The following FRMD4B variants were observed in gnomAD, a reference collection of about 807,000 sequenced individuals.
FRMD4B encodes the protein FERM domain containing 4B.
A neutral mutation model predicts 141.5 loss-of-function variants in FRMD4B; 74 were observed. That is an observed-to-expected ratio of 0.52 (90% CI 0.43 to 0.63). The LOEUF (loss-of-function observed/expected upper bound fraction) is 0.63, where lower values mean the gene tolerates loss of function less well. Ranked by LOEUF, FRMD4B falls within the 30% of genes least tolerant of loss-of-function variation. The pLI is 0.00. For missense variants in FRMD4B, 1,366 were observed against 1,253.4 expected (o/e 1.09, Z -1.36); for synonymous variants, 506 against 467.9 (o/e 1.08, Z -1.05).
chr3:69,501,228 CTT>C (rs534864440), intron 1 of FRMD4B, among the ~76,000 whole-genome samples: 100 of 117,256 alleles, frequency 8.5e-4, no homozygotes, highest in Admixed American at 1.1e-3. Flanking sequence ...CATGGACCTT[CTT>C]TTTTTTTTTT....
At chr3:69,284,362 G>A (rs1323817899) in intron 5 of FRMD4B, among the ~76,000 whole-genome samples, 5 of 152,178 alleles carry the variant, frequency 3.3e-5, no homozygotes, top group Admixed American at 3.3e-4. Context: ...TAAGAGGGAA[G>A]AGTGCCTCAT....
At chr3:69,204,550 T>C (rs771032545) in intron 11 of FRMD4B, among the ~76,000 whole-genome samples, 2 of 152,198 alleles carry the variant, frequency 1.3e-5, no homozygotes, top group Non-Finnish European at 2.9e-5. Flanking sequence ...ATATTATTGA[T>C]TTATTCTTTT....
intron 7 of FRMD4B, among the ~76,000 whole-genome samples, chr3:69,240,853 C>A (rs534626193): frequency 1.3e-5 from 2 of 152,178 alleles, no homozygotes; most frequent in Non-Finnish European, 2.9e-5. Flanking sequence ...TCAACAATGT[C>A]GTCTCACAGC....
chr3:69,213,019 T>C (rs2093101713), intron 11 of FRMD4B, among the ~76,000 whole-genome samples: 1 of 152,222 alleles, frequency 6.6e-6, no homozygotes, highest in East Asian at 1.9e-4. Context: ...CTCCTACAAA[T>C]GGAAACAAGT....
intron 17 of FRMD4B, among the ~76,000 whole-genome samples, chr3:69,191,143 G>C (rs926510768): frequency 6.6e-6 from 1 of 152,172 alleles, no homozygotes; most frequent in African/African-American, 2.4e-5. Flanking sequence ...ATGTGGCCAG[G>C]CACACTGCCT....
chr3:69,419,531 C>T (rs1422793003), intron 2 of FRMD4B, among the ~76,000 whole-genome samples: 1 of 152,072 alleles, frequency 6.6e-6, no homozygotes, highest in Non-Finnish European at 1.5e-5. Context: ...GGCTCACTGG[C>T]TAGACCTGAG....
At chr3:69,235,163 AATAATAATAAT>A in intron 7 of FRMD4B, among the ~76,000 whole-genome samples, 1 of 131,046 alleles carries the variant, frequency 7.6e-6, no homozygotes, top group East Asian at 2.5e-4. Context: ...TAATAATAAT[AATAATAATAAT>A]AATAATAATA....
chr3:69,435,763 G>A (rs776229192), intron 1 of FRMD4B, among the ~76,000 whole-genome samples: 3 of 152,118 alleles, frequency 2.0e-5, no homozygotes, highest in South Asian at 2.1e-4. Flanking sequence ...TGCATCTTAC[G>A]TGGGAGGTAG....
At chr3:69,242,795 C>T (rs113790064) in intron 7 of FRMD4B, among the ~76,000 whole-genome samples, 1 of 151,130 alleles carries the variant, frequency 6.6e-6, no homozygotes, top group East Asian at 1.9e-4. Context: ...GAGTTCAACA[C>T]CAGCCTGGCC....
intron 1 of FRMD4B, among the ~76,000 whole-genome samples, chr3:69,324,525 T>G (rs781187742): frequency 4.6e-5 from 7 of 152,220 alleles, no homozygotes; most frequent in Non-Finnish European, 8.8e-5. Flanking sequence ...TATAGGGTGC[T>G]AAACAGCATC....
chr3:69,390,882 G>T (rs1704368623), upstream of FRMD4B, among the ~76,000 whole-genome samples: 1 of 152,058 alleles, frequency 6.6e-6, no homozygotes, highest in Non-Finnish European at 1.5e-5. Context: ...AACAGAGCGA[G>T]ATTCTGTCTC....
In FRMD4B at chr3:69,196,988, G is replaced by A; in HGVS notation, c.1004C>T (p.Thr335Ile). ...GATGAGAGAAGAGTTAGCATACCAT[G>A]TTTGCACAAACAAGCCACTTTGCCC... ...TFGQSGLFVQ[T>I]WYANSSLIKS... The change falls in exon 13 of 23, where the codon ACA becomes ATA. Residue 335 changes from threonine to isoleucine, a missense_variant. Physicochemically the swap from Thr to Ile is moderately conservative, Grantham distance 89. Coordinates refer to ENST00000398540, the MANE Select transcript of FRMD4B (RefSeq NM_015123.3). The A allele has an allele frequency of 1.2e-6, 2 of 1,605,688 alleles. No individual in the cohort carries two copies. Among genetic ancestry groups the A allele is most frequent in the Non-Finnish European group, 1.7e-6 (2 of 1,172,258 alleles).
At chr3:69,327,995 A>G (rs1243725727) in intron 1 of FRMD4B, among the ~76,000 whole-genome samples, 1 of 152,232 alleles carries the variant, frequency 6.6e-6, no homozygotes, top group Non-Finnish European at 1.5e-5. Context: ...CAAAACTGGA[A>G]GCCACAGGTC....
chr3:69,267,755 C>A (rs2093574690), intron 5 of FRMD4B, among the ~76,000 whole-genome samples: 1 of 150,908 alleles, frequency 6.6e-6, no homozygotes, highest in South Asian at 2.1e-4. Flanking sequence ...GCCTTAGCCT[C>A]CCAGGTAGCT....
intron 1 of FRMD4B, among the ~76,000 whole-genome samples, chr3:69,475,104 C>G (rs891260527): frequency 6.6e-6 from 1 of 152,126 alleles, no homozygotes; most frequent in East Asian, 1.9e-4. Flanking sequence ...AAAACAGGGC[C>G]AGGTTATTAC....
Position 69,171,913 on chromosome 3 carries a change from C to A in FRMD4B, c.3053G>T (p.Ser1018Ile). ...GNQLEDNLES[S>I]EQRLFWHEDS... ...TTCATGCCAAAAGAGTCTCTGCTCA[C>A]TACTCTCCAGGTTGTCTTCCAGCTG... Residue 1018 changes from serine (S) to isoleucine (I), a missense_variant, in exon 23 of 23, where the codon AGT (serine) becomes ATT (isoleucine). Physicochemically the swap from Ser to Ile is moderately radical, Grantham distance 142. Coordinates refer to ENST00000398540, the MANE Select transcript of FRMD4B (RefSeq NM_015123.3). The A allele has an allele frequency of 1.2e-6, 2 of 1,613,294 alleles. No individual in the cohort carries two copies. The highest frequency in any genetic ancestry group is 2.2e-5 in the South Asian group (2 of 91,072).
chr3:69,445,343 C>T lies in FRMD4B; in HGVS notation c.-128-12582G>A, dbSNP rs114737130. 7.6e-4 allele frequency among the ~76,000 whole-genome samples: 116 copies of T among 152,312 alleles called. 2 individuals are homozygous for T. Among genetic ancestry groups the T allele is most frequent in the African/African-American group, 2.6e-3 (108 of 41,568 alleles). On this transcript the variant is annotated intron_variant, in intron 1 of 5. Coordinates refer to the FRMD4B transcript ENST00000459638. ...TGCTATTCCAGTCTTCGGAGCAATT[C>T]GGTCTCTGCTCTAACAGCAGACAAA...
At chr3:69,419,334 G>A (rs569293850) in intron 2 of FRMD4B, among the ~76,000 whole-genome samples, 4 of 152,160 alleles carry the variant, frequency 2.6e-5, no homozygotes, top group African/African-American at 7.2e-5. Context: ...CCTGAAATCT[G>A]TCTCTCTCTA....
intron 1 of FRMD4B, among the ~76,000 whole-genome samples, chr3:69,518,116 TAGG>T (rs1553649730): frequency 2.6e-5 from 4 of 152,136 alleles, no homozygotes; most frequent in Non-Finnish European, 5.9e-5. Flanking sequence ...CCCTAGCAAA[TAGG>T]AGACTTTTGG....
Sources: allele counts gnomAD v4.1 joint callset (sites outside exome capture counted in the v4.1 genomes callset), GRCh38; gene constraint gnomAD v4.1.1; transcripts MANE v1.5; gene names NCBI Gene and HGNC (gene_info 2026-07-23, HGNC 2026-07-21).